Variants in MCTP1 observed in about 807,000 individuals in gnomAD.
The protein encoded by MCTP1 is multiple C2 and transmembrane domain-containing protein 1.
MCTP1 carries 69 observed loss-of-function variants against 120.6 expected under a neutral mutation model. The ratio of observed to expected loss-of-function variants is 0.57; its 90% CI spans 0.47 to 0.70. The LOEUF (loss-of-function observed/expected upper bound fraction) is 0.70. Among genes scored for constraint, MCTP1 ranks in the 30% least tolerant of loss-of-function variants. MCTP1 has a pLI of 0.00. For synonymous variants in MCTP1, 529 were observed against 493.1 expected (o/e 1.07, Z -0.96); for missense variants, 1,203 against 1,248.8 (o/e 0.96, Z 0.55).
chr5:95,128,491 A>G (rs1470664886), intron 1 of MCTP1, among the ~76,000 whole-genome samples: 1 of 152,264 alleles, frequency 6.6e-6, no homozygotes, highest in African/African-American at 2.4e-5. Flanking sequence ...ATTTAGTCTT[A>G]AAGAAATGAA....
In MCTP1 at chr5:94,704,651, A is replaced by AT. The variant is rs1358444666; in HGVS notation, c.*2844dup. The AT allele has an allele frequency of 6.6e-6, 1 of 150,904 alleles. No individual in the cohort carries two copies. The highest frequency in any genetic ancestry group is 1.5e-5 in the Non-Finnish European group (1 of 67,538). The allele number at this position is 150,904 out of a possible 1,614,324, so 9.3% of individuals were successfully genotyped here. On this transcript the variant is annotated 3_prime_UTR_variant, in exon 23 of 23. Transcript: ENST00000515393. ...TCACTGTACTTCAACTCCAGATTTG[A>AT]TTTTAGTATACAATCATTGGTTTGA...
Position 94,816,003 on chromosome 5 carries a change from G to A in MCTP1, c.2437-16871C>T, listed in dbSNP as rs138393718. ...TGGAGGGTAACTGGCATACAGATGG[G>A]GAGGAAAAGCCTAAAAAGGAAAACA... On this transcript the variant is annotated intron_variant, in intron 17 of 22. Coordinates refer to ENST00000515393, the MANE Select transcript of MCTP1 (RefSeq NM_024717.7). 5.4e-4 allele frequency among the ~76,000 whole-genome samples: 82 copies of A among 152,272 alleles called. No individual in the cohort carries two copies. The East Asian group carries it at 8.1e-3, about 15-fold the overall frequency.
At chr5:95,238,062 G>C (rs1222984638) in intron 1 of MCTP1, among the ~76,000 whole-genome samples, 2 of 152,200 alleles carry the variant, frequency 1.3e-5, no homozygotes, top group East Asian at 1.9e-4. Context: ...AAATGTAGCA[G>C]AAGCAGCATG....
At chr5:94,918,555 A>G (rs1489810407) in intron 7 of MCTP1, among the ~76,000 whole-genome samples, 1 of 152,158 alleles carries the variant, frequency 6.6e-6, no homozygotes, top group African/African-American at 2.4e-5. Context: ...CACTACCAAG[A>G]CCAAGAGTAG....
chr5:94,808,437 C>A (rs1204012334), intron 17 of MCTP1, among the ~76,000 whole-genome samples: 2 of 152,166 alleles, frequency 1.3e-5, no homozygotes, highest in African/African-American at 4.8e-5. Flanking sequence ...CTTAGACCCA[C>A]TGAATCTTTC....
At chr5:95,081,410 C>T (rs374007059) in intron 1 of MCTP1, 3 of 1,608,744 alleles carry the variant, frequency 1.9e-6, no homozygotes, top group East Asian at 4.5e-5. Flanking sequence ...AGTGAGTAAA[C>T]CAAAATGTTA....
At chr5:94,888,561 G>T (rs1173486125) in intron 12 of MCTP1, among the ~76,000 whole-genome samples, 1 of 152,194 alleles carries the variant, frequency 6.6e-6, no homozygotes, top group Non-Finnish European at 1.5e-5. Flanking sequence ...AGCTGATTCT[G>T]TAAAGCATTG....
chr5:94,812,111 T>C (rs918941147), intron 17 of MCTP1, among the ~76,000 whole-genome samples: 2 of 152,192 alleles, frequency 1.3e-5, no homozygotes, highest in African/African-American at 4.8e-5. Context: ...AATGATTTAC[T>C]GTGATCAATT....
chr5:95,143,099 A>ATAG (rs1760077127), intron 1 of MCTP1, among the ~76,000 whole-genome samples: 1 of 152,206 alleles, frequency 6.6e-6, no homozygotes, highest in Non-Finnish European at 1.5e-5. Context: ...AAAGACAGTT[A>ATAG]CCATGTATTA....
At chr5:94,804,989 C>T (rs986226709) in intron 17 of MCTP1, among the ~76,000 whole-genome samples, 1 of 152,030 alleles carries the variant, frequency 6.6e-6, no homozygotes, top group African/African-American at 2.4e-5. Context: ...TTCATTATTA[C>T]TAGTAAATGG....
At chr5:95,123,703 G>A (rs1758405329) in intron 1 of MCTP1, among the ~76,000 whole-genome samples, 1 of 150,788 alleles carries the variant, frequency 6.6e-6, no homozygotes, top group Non-Finnish European at 1.5e-5. Flanking sequence ...AGGCTGGAGT[G>A]CAGTGGCACG....
intron 17 of MCTP1, among the ~76,000 whole-genome samples, chr5:94,852,367 C>A (rs753946958): frequency 2.0e-5 from 3 of 151,718 alleles, no homozygotes; most frequent in Non-Finnish European, 2.9e-5. Context: ...TTTTAAAGAC[C>A]TTATTATTAT....
chr5:95,132,868 G>T (rs1759152187), intron 1 of MCTP1, among the ~76,000 whole-genome samples: 2 of 152,158 alleles, frequency 1.3e-5, no homozygotes, highest in Non-Finnish European at 1.5e-5. Context: ...AATGAGGGCA[G>T]GGATCATGGA....
At chr5:95,046,638 C>T (rs894831412) in intron 1 of MCTP1, among the ~76,000 whole-genome samples, 2 of 152,234 alleles carry the variant, frequency 1.3e-5, no homozygotes, top group African/African-American at 2.4e-5. Context: ...ATTAAGAGTT[C>T]GCCAGACAGA....
intron 2 of MCTP1, among the ~76,000 whole-genome samples, chr5:94,955,384 C>T (rs1434907584): frequency 6.6e-6 from 1 of 152,094 alleles, no homozygotes; most frequent in East Asian, 1.9e-4. Flanking sequence ...TTTTTTCGTA[C>T]CCCAGTGGTA....
chr5:94,844,071 G>A (rs1308135546), intron 17 of MCTP1, among the ~76,000 whole-genome samples: 1 of 152,070 alleles, frequency 6.6e-6, no homozygotes, highest in African/African-American at 2.4e-5. Flanking sequence ...GGGAGGCAGA[G>A]GCGGATGGAT....
intron 19 of MCTP1, among the ~76,000 whole-genome samples, chr5:94,721,631 T>C (rs1760911429): frequency 6.6e-6 from 1 of 152,214 alleles, no homozygotes; most frequent in Non-Finnish European, 1.5e-5. Context: ...ACTCTTTCTA[T>C]AAAGTATATG....
intron 2 of MCTP1, among the ~76,000 whole-genome samples, chr5:94,999,707 G>A (rs1833296103): frequency 6.6e-6 from 1 of 152,190 alleles, no homozygotes; most frequent in South Asian, 2.1e-4. Context: ...ACTTAGGTGT[G>A]ATATGACTCT....
intron 1 of MCTP1, among the ~76,000 whole-genome samples, chr5:95,194,001 A>G (rs1297979246): frequency 6.6e-6 from 1 of 152,124 alleles, no homozygotes; most frequent in Non-Finnish European, 1.5e-5. Context: ...ACTTGAGATC[A>G]GGAGCTTAAG....
Sources: gnomAD v4.1 joint callset for allele counts (sites outside exome capture counted in the v4.1 genomes callset) on GRCh38, gnomAD v4.1.1 for gene constraint, MANE v1.5 for transcripts, NCBI Gene and HGNC (gene_info 2026-07-23, HGNC 2026-07-21) for gene names.